Variants in NOS2 observed in about 807,000 individuals in gnomAD.
The protein encoded by NOS2 is nitric oxide synthase, inducible.
In NOS2, 96 loss-of-function variants were observed where a neutral mutation model predicts 136.0. That is an observed-to-expected ratio of 0.71 (90% CI 0.60 to 0.84). The LOEUF is 0.84. NOS2 is among the 40% of genes least tolerant of loss of function. The pLI is 0.00. For synonymous variants in NOS2, 539 were observed against 587.5 expected (o/e 0.92, Z 1.20); for missense variants, 1,237 against 1,496.9 (o/e 0.83, Z 2.87).
At position 27,787,800 on chromosome 17, in the gene NOS2, GC is replaced by G; in HGVS notation, c.344del (p.Cys115SerfsTer6). The G allele has an allele frequency of 6.2e-7, 1 of 1,612,474 alleles. No homozygotes were observed. The highest frequency in any genetic ancestry group is 8.5e-7 in the Non-Finnish European group (1 of 1,179,330). Reference protein sequence around the residue: ...KGILTCRSKSCLGSIMTPKSL... With the variant: ...KGILTCRSKSXLGSIMTPKSL... ...TTTTGGGAGTCATAATGGACCCCAG[GC>G]AAGATTTGGACCTGCAAGTTAAAAT... On this transcript the variant is annotated frameshift_variant, in exon 5 of 27. Transcript: ENST00000313735. LOFTEE classifies it high-confidence loss of function.
At chr17:27,792,867 G>A (rs531186673) in intron 2 of NOS2, among the ~76,000 whole-genome samples, 1 of 148,212 alleles carries the variant, frequency 6.7e-6, no homozygotes, top group Admixed American at 6.7e-5. Context: ...ATGCGCGCCT[G>A]TAGTCCCAGC....
rs3838880 is a variant in NOS2, at chr17:27,784,133, AAC to A, written c.468-1029_468-1028del. Reference sequence around the variant, plus strand: ...AGGGACTCAGTCAGAAAGGCTTTGAAACACACACACACACACACACACACACA... The same window carrying A: ...AGGGACTCAGTCAGAAAGGCTTTGAAACACACACACACACACACACACACA... On this transcript the variant is annotated intron_variant, in intron 5 of 26. Transcript: ENST00000313735. 3.5e-3 allele frequency among the ~76,000 whole-genome samples: 508 copies of A among 146,896 alleles called. 3 individuals carry two copies. The highest frequency in any genetic ancestry group is 0.01 in the African/African-American group (415 of 39,576).
At position 27,762,935 on chromosome 17, in the gene NOS2, G is replaced by T; in HGVS notation, c.2663C>A (p.Ser888Tyr). 1 of 1,606,328 alleles carries T rather than the reference G, an allele frequency of 6.2e-7. No individual in the cohort carries two copies. The highest frequency in any genetic ancestry group is 8.5e-7 in the Non-Finnish European group (1 of 1,177,284). Residue 888 changes from serine (S) to tyrosine (Y), a missense_variant, in exon 22 of 27, where the codon TCC becomes TAC. Physicochemically the swap from Ser to Tyr is moderately radical, Grantham distance 144. This residue lies in a region of NOS2 where 782 missense variants were observed against 909.9 expected (regional missense o/e 0.86). Coordinates refer to ENST00000313735, the MANE Select transcript of NOS2 (RefSeq NM_000625.4). Reference sequence around the variant, plus strand: ...CAGGAAGCCAGCAGACACCCGCAGGGACGGGAACTCCTCTAGCACCTCCAG... The same window carrying T: ...CAGGAAGCCAGCAGACACCCGCAGGTACGGGAACTCCTCTAGCACCTCCAG... ...TFLEVLEEFP[S>Y]LRVSAGFLLS...
chr17:27,787,743 G>T lies in NOS2; in HGVS notation c.402C>A (p.Thr134=), dbSNP rs1181346131. The T allele has an allele frequency of 6.2e-7, 1 of 1,613,838 alleles. No homozygotes were observed. The highest frequency in any genetic ancestry group is 2.2e-5 in the East Asian group (1 of 44,850). Residue 134 remains threonine (T), a synonymous_variant, in exon 5 of 27, where the codon ACC becomes ACA. Coordinates refer to ENST00000313735, the MANE Select transcript of NOS2 (RefSeq NM_000625.4). ...SLTRGPRDKP[T]PPDELLPQAI... is the part of the protein sequence containing the mutation. Reference sequence around the variant, plus strand: ...CTTGAGGTAGAAGCTCATCTGGAGGGGTAGGCTTGTCCCTGGGTCCTCTGG... The same window carrying T: ...CTTGAGGTAGAAGCTCATCTGGAGGTGTAGGCTTGTCCCTGGGTCCTCTGG...
intron 17 of NOS2, among the ~76,000 whole-genome samples, chr17:27,768,228 T>C (rs1316333894): frequency 6.6e-6 from 1 of 151,984 alleles, no homozygotes; most frequent in African/African-American, 2.4e-5. Flanking sequence ...ATTTTCTGTA[T>C]TTTCGGTAGA....
Position 27,781,189 on chromosome 17 carries a change from A to T in NOS2, c.723-12T>A. ...CGGTGATGGCCGACCTTCCCAGGAC[A>T]GGAACAGTACTGTTTACCACCTAGC... is the stretch of plus-strand genomic sequence containing the variant. On this transcript the variant is annotated splice_polypyrimidine_tract_variant and intron_variant, in intron 7 of 26. Transcript: ENST00000313735. 1 of 1,601,994 alleles carries T rather than the reference A, an allele frequency of 6.2e-7. No homozygotes were observed.
intron 7 of NOS2, among the ~76,000 whole-genome samples, 173 bp downstream of exon 7, chr17:27,781,842 G>T (rs1456403141): frequency 6.6e-6 from 1 of 152,138 alleles, no homozygotes; most frequent in Non-Finnish European, 1.5e-5. Context: ...AGCTCACAGG[G>T]GCTGGGCTCA....
chr17:27,794,578 CAT>C (rs2142529705), intron 2 of NOS2, among the ~76,000 whole-genome samples: 1 of 152,276 alleles, frequency 6.6e-6, no homozygotes, highest in South Asian at 2.1e-4. Flanking sequence ...AAAGAGGGCA[CAT>C]ATTTATTTCT....
Position 27,756,985 on chromosome 17 carries a change from T to C in NOS2, c.*261A>G. 1 of 421,244 alleles carries C rather than the reference T, an allele frequency of 2.4e-6. No individual in the cohort carries two copies. The highest frequency in any genetic ancestry group is 4.2e-6 in the Non-Finnish European group (1 of 240,408). 26.1% of individuals were successfully genotyped at this position (421,244 alleles called of 1,614,324 possible). ...CAGCAAGTTCCATCTTTCACCCACT[T>C]GCCAGGCCTGGCATTTAAGATTTTG... On this transcript the variant is annotated 3_prime_UTR_variant, in exon 27 of 27. Transcript: ENST00000313735.
chr17:27,792,795 A>G (rs1352943208), intron 2 of NOS2, among the ~76,000 whole-genome samples: 2 of 116,250 alleles, frequency 1.7e-5, no homozygotes, highest in Non-Finnish European at 3.3e-5. Flanking sequence ...CCTGGGCAAC[A>G]TGGTGAAACC....
At chr17:27,762,579 C>A (rs1567633151) in intron 22 of NOS2, among the ~76,000 whole-genome samples, 1 of 152,186 alleles carries the variant, frequency 6.6e-6, no homozygotes, top group Non-Finnish European at 1.5e-5. Context: ...CACACAGTGC[C>A]TACCCCACAA....
intron 26 of NOS2, among the ~76,000 whole-genome samples, chr17:27,757,630 A>G (rs931153826): frequency 2.6e-5 from 4 of 152,200 alleles, no homozygotes; most frequent in African/African-American, 9.6e-5. Flanking sequence ...GCTCTGAGAT[A>G]AATATGTTTG....
At chr17:27,795,090 A>G (rs1193094995) in intron 2 of NOS2, among the ~76,000 whole-genome samples, 1 of 151,584 alleles carries the variant, frequency 6.6e-6, no homozygotes, top group Admixed American at 6.6e-5. Context: ...TCCTGTCTAC[A>G]CTCCATCCCA....
intron 6 of NOS2, among the ~76,000 whole-genome samples, chr17:27,782,392 C>T (rs530140328): frequency 6.6e-6 from 1 of 152,282 alleles, no homozygotes; most frequent in South Asian, 2.1e-4. Context: ...CCAAGAAAAC[C>T]TGACTTGAAA....
At chr17:27,763,860 A>G in intron 21 of NOS2, 121 bp downstream of exon 21, 1 of 738,042 alleles carries the variant, frequency 1.4e-6, no homozygotes, top group Non-Finnish European at 2.1e-6. Flanking sequence ...GCCTTTGACA[A>G]GTCTCACTTT....
At chr17:27,793,385 T>TG (rs1909252627) in intron 2 of NOS2, among the ~76,000 whole-genome samples, 1 of 152,128 alleles carries the variant, frequency 6.6e-6, no homozygotes, top group Non-Finnish European at 1.5e-5. Context: ...TCATAGTGCA[T>TG]GGGGGGTTTC....
chr17:27,782,248 T>C (rs1453306434), intron 6 of NOS2, 142 bp from the exon 7 acceptor site: 2 of 703,382 alleles, frequency 2.8e-6, no homozygotes, highest in Non-Finnish European at 5.0e-6. Context: ...GAGTGCAGCC[T>C]CCAATCTGCA....
rs1909103040 is a variant in NOS2 at position 27,788,854 on chromosome 17, G to A, written c.273C>T (p.Gly91=). ...SPRHVRIKNW[G]SGMTFQDTLH... Reference sequence around the variant, plus strand: ...GTGTGTCTTGGAAAGTCATCCCGCTGCCCCAGTTTTTGATCCTCACATGCC... The same window carrying A: ...GTGTGTCTTGGAAAGTCATCCCGCTACCCCAGTTTTTGATCCTCACATGCC... Residue 91 remains glycine (G), a synonymous_variant, in exon 4 of 27, where the codon GGC becomes GGT. Transcript: ENST00000313735. 3 of 1,614,048 alleles carry A rather than the reference G, an allele frequency of 1.9e-6. No homozygotes were observed. The African/African-American group carries it at 4.0e-5, about 22-fold the overall frequency.
chr17:27,795,379 C>G (rs368309139), intron 2 of NOS2, among the ~76,000 whole-genome samples: 3 of 152,190 alleles, frequency 2.0e-5, no homozygotes, highest in East Asian at 3.8e-4. Context: ...TAGTTCCTGT[C>G]TCATTATTGA....
Sources: allele counts gnomAD v4.1 joint callset (sites outside exome capture counted in the v4.1 genomes callset), GRCh38; gene constraint gnomAD v4.1.1; regional missense constraint gnomAD v4.1.1; transcripts MANE v1.5; gene names NCBI Gene and HGNC (gene_info 2026-07-23, HGNC 2026-07-21).